The following METTL21A variants were observed in gnomAD, a reference collection of about 807,000 sequenced individuals.
METTL21A encodes the protein methyltransferase 21A, HSPA lysine.
In METTL21A, 22 loss-of-function variants were observed where a neutral mutation model predicts 20.9. The ratio of observed to expected loss-of-function variants is 1.05; its 90% CI spans 0.75 to 1.50. The LOEUF is 1.50. Ranked by LOEUF, METTL21A falls within the 40% of genes most tolerant of loss-of-function variation. The probability of loss-of-function intolerance (pLI) is 0.00; values close to 1 mark genes in which losing one functional copy is unlikely to be tolerated. For synonymous variants in METTL21A, 93 were observed against 102.0 expected, an observed-to-expected ratio of 0.91 and a Z score of 0.53; for missense variants, 271 against 266.8, an observed-to-expected ratio of 1.02 and a Z score of -0.11.
downstream of METTL21A, among the ~76,000 whole-genome samples, chr2:207,608,804 G>A (rs1387387901): frequency 6.6e-6 from 1 of 152,186 alleles, no homozygotes; most frequent in East Asian, 1.9e-4. Flanking sequence ...GCAGGCACCT[G>A]TAGTCCCAGC....
intron 3 of METTL21A, among the ~76,000 whole-genome samples, chr2:207,618,869 A>G (rs1014909034): frequency 1.3e-5 from 2 of 152,222 alleles, no homozygotes; most frequent in African/African-American, 4.8e-5. Context: ...TACAGTTCCA[A>G]GTACCATAAG....
intron 3 of METTL21A, among the ~76,000 whole-genome samples, chr2:207,589,687 A>G (rs2084588633): frequency 6.6e-6 from 1 of 152,210 alleles, no homozygotes; most frequent in African/African-American, 2.4e-5. Context: ...AATCTTGTCA[A>G]ATGCTTTTCC....
intron 3 of METTL21A, chr2:207,598,668 G>A: frequency 1.2e-5 from 2 of 165,126 alleles, no homozygotes; most frequent in Non-Finnish European, 2.6e-5. Context: ...CCATCATGGT[G>A]AAACCCCATC....
intron 3 of METTL21A, among the ~76,000 whole-genome samples, chr2:207,585,821 A>T (rs1346896257): frequency 6.6e-6 from 1 of 152,190 alleles, no homozygotes; most frequent in Non-Finnish European, 1.5e-5. Flanking sequence ...AGGTCTTTTA[A>T]AATAACCCAG....
intron 3 of METTL21A, among the ~76,000 whole-genome samples, chr2:207,583,475 C>T (rs1201317307): frequency 1.3e-5 from 2 of 152,132 alleles, no homozygotes; most frequent in Non-Finnish European, 2.9e-5. Flanking sequence ...AACAGGATTA[C>T]CAGTTACAGT....
rs564192203 is a variant in METTL21A, at chr2:207,583,565, C to T, written c.260-1405G>A. Among the ~76,000 whole-genome samples the T allele has an allele frequency of 2.6e-5, 4 of 152,276 alleles. No individual in the cohort carries two copies. The East Asian group carries it at 7.7e-4, about 29-fold the overall frequency. ...TGCTGTTTTCTAAAGTTACTTCACT[C>T]TGCTCCTTTCTCCACCCCTTTCAAT... is the stretch of plus-strand genomic sequence containing the variant. On this transcript the variant is annotated intron_variant, in intron 3 of 3. Coordinates refer to the METTL21A transcript ENST00000425132.
intron 3 of METTL21A, chr2:207,620,571 TC>T: frequency 1.6e-6 from 2 of 1,274,686 alleles, no homozygotes. Context: ...TCTCCCAGAA[TC>T]CCAGCTTTGT....
chr2:207,590,019 C>G (rs1697230361), intron 3 of METTL21A, among the ~76,000 whole-genome samples: 1 of 150,040 alleles, frequency 6.7e-6, no homozygotes, highest in Admixed American at 6.7e-5. Flanking sequence ...ATTATTTAAG[C>G]CTTATATGGT....
At chr2:207,596,833 A>C in intron 3 of METTL21A, 3 of 1,525,266 alleles carry the variant, frequency 2.0e-6, no homozygotes, top group Non-Finnish European at 2.7e-6. Flanking sequence ...CTATTTCTTT[A>C]AAAAAGAAAA....
At chr2:207,583,030 AAAG>A (rs967152012) in intron 3 of METTL21A, 6 of 154,048 alleles carry the variant, frequency 3.9e-5, no homozygotes, top group Non-Finnish European at 5.9e-5. Context: ...TTCAAGAAAA[AAAG>A]TAACAATATA....
At chr2:207,608,947 C>A (rs2088545339), downstream of METTL21A, among the ~76,000 whole-genome samples, 1 of 152,190 alleles carries the variant, frequency 6.6e-6, no homozygotes, top group African/African-American at 2.4e-5. Flanking sequence ...CTAAGTGGGA[C>A]TGGCTTGTCA....
intron 3 of METTL21A, among the ~76,000 whole-genome samples, chr2:207,583,450 T>C (rs2083291075): frequency 6.6e-6 from 1 of 152,238 alleles, no homozygotes; most frequent in Non-Finnish European, 1.5e-5. Context: ...ATTGATAATA[T>C]GTACCATTGT....
At chr2:207,593,061 T>G (rs376157653) in intron 3 of METTL21A, among the ~76,000 whole-genome samples, 1 of 152,228 alleles carries the variant, frequency 6.6e-6, no homozygotes, top group African/African-American at 2.4e-5. Context: ...GTTCACTGAT[T>G]GTTTCCTCAG....
At chr2:207,598,485 TTA>T (rs1491173103) in intron 3 of METTL21A, 3 of 71,916 alleles carry the variant, frequency 4.2e-5, no homozygotes, top group Non-Finnish European at 7.3e-5. Context: ...ACAGTTACTC[TTA>T]AAAAAAAAAA....
At chr2:207,616,046 G>C (rs2089689066) in intron 3 of METTL21A, among the ~76,000 whole-genome samples, 1 of 152,046 alleles carries the variant, frequency 6.6e-6, no homozygotes, top group Non-Finnish European at 1.5e-5. Context: ...ACTGTACTCA[G>C]CCCTATTATT....
At chr2:207,624,832 C>T (rs2090944161) in intron 1 of METTL21A, 1 of 152,378 alleles carries the variant, frequency 6.6e-6, no homozygotes, top group Non-Finnish European at 1.5e-5. Flanking sequence ...GCTACGGTTT[C>T]GCTACCCACC....
chr2:207,614,192 G>A (rs1457667032), intron 3 of METTL21A, among the ~76,000 whole-genome samples: 1 of 152,110 alleles, frequency 6.6e-6, no homozygotes, highest in East Asian at 1.9e-4. Context: ...CTTGAGCCCA[G>A]GAGTTCAAGA....
chr2:207,589,914 G>C (rs1362997416), intron 3 of METTL21A, among the ~76,000 whole-genome samples: 1 of 151,926 alleles, frequency 6.6e-6, no homozygotes, highest in Non-Finnish European at 1.5e-5. Flanking sequence ...TAGTTTCTTT[G>C]CCGTGAGTTT....
At chr2:207,591,385 G>A (rs2084994052) in intron 3 of METTL21A, among the ~76,000 whole-genome samples, 1 of 152,226 alleles carries the variant, frequency 6.6e-6, no homozygotes, top group Admixed American at 6.5e-5. Context: ...TTCTTCAGAA[G>A]AATGCTTTGT....
Sources: gnomAD v4.1 joint callset for allele counts (sites outside exome capture counted in the v4.1 genomes callset) on GRCh38, gnomAD v4.1.1 for gene constraint, MANE v1.5 for transcripts, NCBI Gene and HGNC (gene_info 2026-07-23, HGNC 2026-07-21) for gene names.